IGSF10: variants seen among roughly 807,000 people sequenced by gnomAD.
The protein encoded by IGSF10 is immunoglobulin superfamily member 10.
Under a neutral mutation model 128.2 loss-of-function variants are expected in IGSF10, and 126 were observed. The observed-to-expected ratio is 0.98, with a 90% CI of 0.85 to 1.14. The LOEUF is 1.14. Among genes scored for constraint, IGSF10 ranks in the 50% most tolerant of loss-of-function variants. The pLI is 0.00. For synonymous variants in IGSF10, 1,185 were observed against 1,146.2 expected (o/e 1.03, Z -0.68); for missense variants, 3,295 against 3,149.8 (o/e 1.05, Z -1.10).
rs772369601 is a variant in IGSF10 at position 151,447,022 on chromosome 3, G to GT, written c.2958dup (p.His987ThrfsTer12). ...GGAAACTGAGAATGAGCAGCTGTGT[G>GT]TGGATCTGAAGGGAACGTGGAGGTG... is the stretch of plus-strand genomic sequence containing the variant. On this transcript the variant is annotated frameshift_variant, in exon 6 of 8. Coordinates refer to ENST00000282466, the MANE Select transcript of IGSF10 (RefSeq NM_178822.5). LOFTEE classifies it high-confidence loss of function. The GT allele has an allele frequency of 1.9e-6, 3 of 1,614,124 alleles. No individual in the cohort carries two copies. In the African/African-American group the frequency reaches 4.0e-5, roughly 22 times the overall value.
chr3:151,437,022 A>G lies in IGSF10; in HGVS notation c.7539T>C (p.Gly2513=), dbSNP rs1185319023. 3 of 1,614,182 alleles carry G rather than the reference A, an allele frequency of 1.9e-6. No individual in the cohort carries two copies. Among genetic ancestry groups the G allele is most frequent in the Non-Finnish European group, 2.5e-6 (3 of 1,179,996 alleles). Residue 2513 remains glycine, a synonymous_variant, in exon 8 of 8, where the codon GGT becomes GGC. Transcript: ENST00000282466. The part of the protein sequence containing the change: ...NYICKAQNSV[G]HTLITVPVMI... Reference sequence around the variant, plus strand: ...TTACTGGAACAGTAATCAGTGTATGACCAACACTATTTTGAGCCTTACAGA... The same window carrying G: ...TTACTGGAACAGTAATCAGTGTATGGCCAACACTATTTTGAGCCTTACAGA...
At chr3:151,482,725 G>T in the IGSF10 span, among the ~76,000 whole-genome samples, 1 of 152,156 alleles carries the variant, frequency 6.6e-6, no homozygotes, top group East Asian at 1.9e-4. Context: ...ACCCAAGGAA[G>T]TCCTGTCTTA....
At chr3:151,596,074 C>G in the IGSF10 span, among the ~76,000 whole-genome samples, 1 of 151,908 alleles carries the variant, frequency 6.6e-6, no homozygotes, top group South Asian at 2.1e-4. Flanking sequence ...TCACATATAC[C>G]TTAAATATAT....
At chr3:151,557,692 C>T in the IGSF10 span, among the ~76,000 whole-genome samples, 1 of 151,868 alleles carries the variant, frequency 6.6e-6, no homozygotes, top group South Asian at 2.1e-4. Context: ...TCCAATCTCT[C>T]TGGAAAGAAG....
chr3:151,571,679 G>C, the IGSF10 span, among the ~76,000 whole-genome samples: 2 of 152,168 alleles, frequency 1.3e-5, no homozygotes, highest in African/African-American at 2.4e-5. Context: ...GGGACAATTT[G>C]ACTTCCTCTT....
chr3:151,618,526 C>G, the IGSF10 span, among the ~76,000 whole-genome samples: 1 of 151,924 alleles, frequency 6.6e-6, no homozygotes, highest in Non-Finnish European at 1.5e-5. Context: ...GTCAGGAGAT[C>G]AAGACCATCC....
chr3:151,530,888 C>T, the IGSF10 span, among the ~76,000 whole-genome samples: 2 of 152,078 alleles, frequency 1.3e-5, no homozygotes, highest in Non-Finnish European at 2.9e-5. Context: ...TGTAAATGGG[C>T]TAAATGCCCC....
At chr3:151,607,403 A>T in the IGSF10 span, among the ~76,000 whole-genome samples, 90 of 152,098 alleles carry the variant, frequency 5.9e-4, no homozygotes, top group East Asian at 1.7e-3. Flanking sequence ...ATAAAATTTT[A>T]AAAAAAAACC....
the IGSF10 span, among the ~76,000 whole-genome samples, chr3:151,597,553 T>G: frequency 1.3e-5 from 2 of 152,230 alleles, no homozygotes; most frequent in African/African-American, 2.4e-5. Flanking sequence ...GGTGTGCTCT[T>G]TTATTTTAGG....
the IGSF10 span, among the ~76,000 whole-genome samples, chr3:151,469,923 C>G: frequency 2.0e-5 from 3 of 152,284 alleles, no homozygotes; most frequent in Admixed American, 2.0e-4. Flanking sequence ...TTCCCGTAGT[C>G]CCAAATTCTA....
At chr3:151,524,230 A>G in the IGSF10 span, among the ~76,000 whole-genome samples, 2 of 152,168 alleles carry the variant, frequency 1.3e-5, no homozygotes, top group African/African-American at 4.8e-5. Flanking sequence ...GTGATTCCTG[A>G]AAGAGCTAAA....
rs3975406 is a variant in IGSF10 at position 151,442,547 on chromosome 3, AT to A, written c.5963+436del. On this transcript the variant is annotated intron_variant, in intron 7 of 7. Transcript: ENST00000282466. ...GGCGCCCGGCCACCATGCCCGGCTA[AT>A]TTTTTTTTTTTTGTACTTTTAGTAG... Among the ~76,000 whole-genome samples the A allele has an allele frequency of 2.8e-3, 351 of 125,492 alleles. 15 individuals carry two copies. The South Asian group carries it at 0.076, about 27-fold the overall frequency. 82.3% of individuals were successfully genotyped at this position (125,492 alleles called of 152,430 possible). A position where few individuals can be genotyped will look rare whatever the true frequency, so the allele number is the denominator to read the frequency against.
the IGSF10 span, among the ~76,000 whole-genome samples, chr3:151,489,854 G>C: frequency 6.6e-6 from 1 of 152,124 alleles, no homozygotes. Flanking sequence ...ATAGCATTAG[G>C]AGAAATACTT....
chr3:151,598,112 A>T, the IGSF10 span, among the ~76,000 whole-genome samples: 62 of 98,792 alleles, frequency 6.3e-4, no homozygotes, highest in African/African-American at 2.1e-3. Flanking sequence ...TGTGTGTGTG[A>T]ATACTTCAGT....
chr3:151,505,718 T>C, the IGSF10 span, among the ~76,000 whole-genome samples: 120,723 of 151,834 alleles, frequency 0.8, 48,123 homozygotes, highest in Middle Eastern at 0.9. Context: ...AAATTAGTCT[T>C]TTCTAGGGAT....
the IGSF10 span, among the ~76,000 whole-genome samples, chr3:151,530,034 A>G: frequency 6.6e-6 from 1 of 151,976 alleles, no homozygotes; most frequent in African/African-American, 2.4e-5. Context: ...ATGGAGCTGA[A>G]AAACACAGCA....
At chr3:151,463,540 T>TTTTTTG (rs1722155840), upstream of IGSF10, among the ~76,000 whole-genome samples, 1 of 109,276 alleles carries the variant, frequency 9.2e-6, no homozygotes, top group Non-Finnish European at 1.8e-5. Context: ...TTTTTTTTTT[T>TTTTTTG]TTTTTTTTTT....
At chr3:151,598,933 C>T in the IGSF10 span, among the ~76,000 whole-genome samples, 1 of 151,814 alleles carries the variant, frequency 6.6e-6, no homozygotes, top group Non-Finnish European at 1.5e-5. Context: ...ATTCTAGGGG[C>T]CAGGGAAAGA....
the IGSF10 span, among the ~76,000 whole-genome samples, chr3:151,531,015 C>CA: frequency 2.0e-5 from 3 of 151,554 alleles, no homozygotes; most frequent in East Asian, 1.9e-4. Context: ...AAATGGGAAG[C>CA]AAAAAAAGGC....
Sources: allele counts gnomAD v4.1 joint callset (sites outside exome capture counted in the v4.1 genomes callset), GRCh38; gene constraint gnomAD v4.1.1; transcripts MANE v1.5; gene names NCBI Gene and HGNC (gene_info 2026-07-23, HGNC 2026-07-21).